NRG1: variants seen among roughly 807,000 people sequenced by gnomAD.
NRG1 encodes pro-neuregulin-1, membrane-bound isoform.
In NRG1, 18 loss-of-function variants were observed where a neutral mutation model predicts 63.8. The ratio of observed to expected loss-of-function variants is 0.28; its 90% CI spans 0.19 to 0.42. The LOEUF is 0.42. Ranked by LOEUF, NRG1 falls within the 10% of genes least tolerant of loss-of-function variation. The pLI, the probability that NRG1 is intolerant of heterozygous loss-of-function variation, is 1.00. For missense variants in NRG1, 762 were observed against 814.7 expected (o/e 0.94, Z 0.79); for synonymous variants, 302 against 301.3 (o/e 1.00, Z -0.02).
At chr8:31,923,700 T>A (rs556336851) in intron 1 of NRG1, among the ~76,000 whole-genome samples, 3 of 152,272 alleles carry the variant, frequency 2.0e-5, no homozygotes, top group Non-Finnish European at 4.4e-5. Context: ...TCTTTTTTTT[T>A]AATGTGTTGT....
intron 1 of NRG1, among the ~76,000 whole-genome samples, chr8:32,488,613 C>CGAAA (rs111732258): frequency 6.7e-6 from 1 of 150,174 alleles, no homozygotes; most frequent in African/African-American, 2.5e-5. Context: ...CCATCTCTAC[C>CGAAA]CAAACAAACA....
rs567054767 is a variant in NRG1 at position 32,089,709 on chromosome 8, C to T, written c.37+450278C>T. 3.3e-4 allele frequency among the ~76,000 whole-genome samples: 50 copies of T among 152,170 alleles called. 1 individual carries two copies. The highest frequency in any genetic ancestry group is 1.2e-3 in the African/African-American group (49 of 41,502). ...AGTATCAGCAGCAAAGTGACAGAAA[C>T]GCTCATACATTAAAAACTAAAAATT... On this transcript the variant is annotated intron_variant, in intron 1 of 10. Transcript: ENST00000519301.
At chr8:32,344,880 G>A (rs2129478738) in intron 1 of NRG1, among the ~76,000 whole-genome samples, 1 of 152,232 alleles carries the variant, frequency 6.6e-6, no homozygotes, top group Admixed American at 6.5e-5. Flanking sequence ...ATTCTGCTCA[G>A]AAATGGTTAA....
At chr8:32,511,028 G>A (rs1588050070) in intron 1 of NRG1, among the ~76,000 whole-genome samples, 2 of 149,350 alleles carry the variant, frequency 1.3e-5, no homozygotes, top group East Asian at 4.0e-4. Flanking sequence ...AATCTCTGGG[G>A]AGAGGATCCC....
At chr8:31,694,655 A>C (rs1272638246) in intron 1 of NRG1, among the ~76,000 whole-genome samples, 3 of 152,192 alleles carry the variant, frequency 2.0e-5, no homozygotes, top group Non-Finnish European at 4.4e-5. Context: ...GAACGTGTGA[A>C]AATAATGACC....
intron 1 of NRG1, among the ~76,000 whole-genome samples, chr8:32,540,583 G>A (rs1243229521): frequency 6.6e-6 from 1 of 152,114 alleles, no homozygotes; most frequent in African/African-American, 2.4e-5. Context: ...TTTTGTGCCT[G>A]GATATAACTG....
intron 1 of NRG1, among the ~76,000 whole-genome samples, chr8:32,474,953 C>T (rs1182993621): frequency 6.6e-6 from 1 of 152,234 alleles, no homozygotes; most frequent in African/African-American, 2.4e-5. Context: ...CATAGGATTG[C>T]TCTCTAGGAG....
rs1554557143 is a variant in NRG1 at position 32,486,627 on chromosome 8, A to ATTTTTTTTTTTTTTT, written c.38-109200_38-109186dup. ...CCTCAAGAGGCTACAGAATTGCTGG[A>ATTTTTTTTTTTTTTT]TTTTTTTTTTTTTTTGGAATGGAGT... On this transcript the variant is annotated intron_variant, in intron 1 of 10. Transcript: ENST00000519301. 3.0e-3 allele frequency among the ~76,000 whole-genome samples: 432 copies of ATTTTTTTTTTTTTTT among 145,422 alleles called. 5 individuals carry two copies. Among genetic ancestry groups the ATTTTTTTTTTTTTTT allele is most frequent in the African/African-American group, 0.01 (401 of 38,824 alleles).
At chr8:32,355,662 G>T (rs1187412672) in intron 1 of NRG1, among the ~76,000 whole-genome samples, 1 of 106,200 alleles carries the variant, frequency 9.4e-6, no homozygotes, top group Non-Finnish European at 2.2e-5. Flanking sequence ...GATGGAGAAA[G>T]AAGGGGGAAA....
At chr8:32,758,934 C>T (rs1024331481) in intron 9 of NRG1, among the ~76,000 whole-genome samples, 4 of 152,076 alleles carry the variant, frequency 2.6e-5, no homozygotes, top group Admixed American at 1.3e-4. Flanking sequence ...CCTTCTTCAC[C>T]TTGCAATACC....
chr8:31,725,879 G>T (rs1164322515), intron 1 of NRG1, among the ~76,000 whole-genome samples: 1 of 152,156 alleles, frequency 6.6e-6, no homozygotes, highest in Non-Finnish European at 1.5e-5. Context: ...CACACAAGTG[G>T]TAAGTGTAGT....
chr8:31,727,782 T>C (rs4368935), intron 1 of NRG1, among the ~76,000 whole-genome samples: 29,758 of 152,138 alleles, frequency 0.2, 4,126 homozygotes, highest in East Asian at 0.65. Context: ...TATGATAAAG[T>C]TTAATTTATA....
chr8:31,834,748 C>T (rs534393300), intron 1 of NRG1, among the ~76,000 whole-genome samples: 3 of 152,278 alleles, frequency 2.0e-5, no homozygotes, highest in Admixed American at 6.5e-5. Flanking sequence ...GAAGATGCTA[C>T]GTACATTATA....
chr8:31,667,026 C>T (rs1404185852), intron 1 of NRG1, among the ~76,000 whole-genome samples: 1 of 152,170 alleles, frequency 6.6e-6, no homozygotes, highest in Non-Finnish European at 1.5e-5. Context: ...AGCAAGGTCA[C>T]AGTGGAGAGC....
intron 1 of NRG1, among the ~76,000 whole-genome samples, chr8:32,576,370 C>T (rs936658197): frequency 5.9e-5 from 9 of 152,098 alleles, no homozygotes; most frequent in African/African-American, 2.2e-4. Context: ...CCTGTATTGA[C>T]TCCTGGCTAT....
intron 5 of NRG1, among the ~76,000 whole-genome samples, chr8:32,707,122 T>A (rs1025847255): frequency 9.9e-5 from 15 of 152,088 alleles, no homozygotes; most frequent in African/African-American, 3.6e-4. Flanking sequence ...GTCTTATTCA[T>A]CACTTGATAA....
intron 1 of NRG1, among the ~76,000 whole-genome samples, chr8:32,413,100 A>G (rs1815345587): frequency 6.6e-6 from 1 of 152,216 alleles, no homozygotes; most frequent in African/African-American, 2.4e-5. Flanking sequence ...AAACATGTGC[A>G]TATTCTTTGA....
intron 1 of NRG1, among the ~76,000 whole-genome samples, chr8:31,797,294 T>C (rs1327849337): frequency 6.6e-6 from 1 of 152,252 alleles, no homozygotes; most frequent in Non-Finnish European, 1.5e-5. Flanking sequence ...CTTTTGGTCA[T>C]GGACCAAATT....
chr8:32,729,236 G>A (rs1422339427), intron 6 of NRG1, among the ~76,000 whole-genome samples: 2 of 152,146 alleles, frequency 1.3e-5, no homozygotes, highest in African/African-American at 2.4e-5. Context: ...TAAGTTTACT[G>A]TTGATATTTA....
Sources: gnomAD v4.1 joint callset for allele counts (sites outside exome capture counted in the v4.1 genomes callset) on GRCh38, gnomAD v4.1.1 for gene constraint, MANE v1.5 for transcripts, NCBI Gene and HGNC (gene_info 2026-07-23, HGNC 2026-07-21) for gene names.